The following TASOR2 variants were observed in gnomAD, a reference collection of about 807,000 sequenced individuals.
TASOR2 encodes the protein protein TASOR 2.
A neutral mutation model predicts 199.5 loss-of-function variants in TASOR2; 84 were observed. The observed-to-expected ratio is 0.42, with a 90% CI of 0.35 to 0.50. TASOR2 has a LOEUF of 0.50. Among genes scored for constraint, TASOR2 ranks in the 20% least tolerant of loss-of-function variants. The pLI, the probability that TASOR2 is intolerant of heterozygous loss-of-function variation, is 0.02. For missense variants in TASOR2, 2,796 were observed against 2,835.9 expected (o/e 0.99, Z 0.32); for synonymous variants, 1,103 against 1,046.6 (o/e 1.05, Z -1.04).
chr10:5,716,657 G>A (rs1374479574), intron 2 of TASOR2, among the ~76,000 whole-genome samples: 1 of 152,064 alleles, frequency 6.6e-6, no homozygotes, highest in African/African-American at 2.4e-5. Flanking sequence ...GCTCATGCCT[G>A]TAATCGTAGC....
chr10:5,755,375 C>G (rs892624384), intron 15 of TASOR2, among the ~76,000 whole-genome samples: 1 of 151,986 alleles, frequency 6.6e-6, no homozygotes, highest in African/African-American at 2.4e-5. Flanking sequence ...GAGTTTGAGA[C>G]CAGCCTGGCC....
chr10:5,762,360 A>G lies in TASOR2; in HGVS notation c.7175-172A>G, dbSNP rs545945147. ...TTTAACCACCACCCCCGATGGAGGC[A>G]TCTATTTCCAAAGCTTCAAATCTTT... On this transcript the variant is annotated intron_variant, in intron 19 of 20. Coordinates refer to ENST00000328090, the Ensembl canonical transcript of TASOR2. Among the ~76,000 whole-genome samples the G allele has an allele frequency of 5.3e-5, 8 of 151,870 alleles. No homozygotes were observed. In the South Asian group the frequency reaches 1.7e-3, roughly 32 times the overall value.
Position 5,739,929 on chromosome 10 carries a change from G to T in TASOR2, c.1759G>T (p.Gly587Ter). ...TACATCTGACCATGAATATCATAGA[G>T]GAGTTAAAACTCAAAAAGGTGAATT... is the stretch of plus-strand genomic sequence containing the variant. Residue 587 changes from glycine to a stop codon, truncating the protein, a stop_gained, in exon 13 of 21, where the codon GGA (glycine) becomes TGA (stop). Coordinates refer to ENST00000328090, the Ensembl canonical transcript of TASOR2. LOFTEE classifies it high-confidence loss of function. The T allele has an allele frequency of 6.2e-7, 1 of 1,614,112 alleles. No individual in the cohort carries two copies. The highest frequency in any genetic ancestry group is 8.5e-7 in the Non-Finnish European group (1 of 1,180,038).
Position 5,742,741 on chromosome 10 carries a change from C to A in TASOR2, c.2757+215C>A, listed in dbSNP as rs1193247112. Among the ~76,000 whole-genome samples the A allele has an allele frequency of 6.6e-6, 1 of 151,986 alleles. No homozygotes were observed. The highest frequency in any genetic ancestry group is 2.4e-5 in the African/African-American group (1 of 41,372). Reference sequence around the variant, plus strand: ...ACCTGCCATCCCGATTGAAAAAAACCAGAGTAGAAAAATGTCACAGGGTCC... The same window carrying A: ...ACCTGCCATCCCGATTGAAAAAAACAAGAGTAGAAAAATGTCACAGGGTCC... On this transcript the variant is annotated intron_variant, in intron 14 of 20. Coordinates refer to ENST00000328090, the Ensembl canonical transcript of TASOR2. This position sits in a 1 kb window ranked among gnomAD's most constrained non-coding sequence, Gnocchi z 4.2.
intron 1 of TASOR2, among the ~76,000 whole-genome samples, chr10:5,692,285 G>C (rs1836528038): frequency 6.6e-6 from 1 of 152,176 alleles, no homozygotes; most frequent in African/African-American, 2.4e-5. Context: ...AATGATGTGG[G>C]ACGAAGAGTT....
In TASOR2 at chr10:5,720,668, T is replaced by C; in HGVS notation, c.26T>C (p.Ile9Thr). 2 of 1,614,120 alleles carry C rather than the reference T, an allele frequency of 1.2e-6. No homozygotes were observed. Among genetic ancestry groups the C allele is most frequent in the South Asian group, 1.1e-5 (1 of 91,086 alleles). The change falls in exon 4 of 21, where the codon ATA becomes ACA. Residue 9 changes from isoleucine to threonine, a missense_variant and splice_region_variant. Ile to Thr is a moderately conservative substitution (Grantham distance 89). This residue lies in a region of TASOR2 where 847 missense variants were observed against 887.4 expected (regional missense o/e 0.95). Transcript: ENST00000328090. The surrounding 1 kb of genome is among the most constrained non-coding windows in gnomAD (Gnocchi z 5.3). ...ATGGCACCACCAGCTCATAAAAGCATGTAAGTAATTATGTGCATGCTTTGT... is the reference window on the plus strand; with the variant it reads ...ATGGCACCACCAGCTCATAAAAGCACGTAAGTAATTATGTGCATGCTTTGT...
chr10:5,749,417 C>T (rs1163307053), exon 15 of TASOR2: 3 of 1,614,246 alleles, frequency 1.9e-6, no homozygotes, highest in South Asian at 1.1e-5. Flanking sequence ...CAGCATTCTG[C>T]CTCCTCTGCC....
Position 5,762,516 on chromosome 10 carries a change from T to TTTTG in TASOR2, c.7175-13_7175-12insGTTT. 2 of 603,326 alleles carry TTTTG rather than the reference T, an allele frequency of 3.3e-6. No individual in the cohort carries two copies. Among genetic ancestry groups the TTTTG allele is most frequent in the Non-Finnish European group, 5.1e-6 (2 of 388,712 alleles). 37.4% of individuals were successfully genotyped at this position (603,326 alleles called of 1,614,324 possible). The stretch of plus-strand genomic sequence containing the variant: ...AATTATATTAACCAAAAGTTGTTTT[T>TTTTG]TTTTTTTTTTAACAGACAAGCCTAC... On this transcript the variant is annotated splice_polypyrimidine_tract_variant and intron_variant, in intron 19 of 20. Transcript: ENST00000328090.
intron 14 of TASOR2, among the ~76,000 whole-genome samples, chr10:5,744,641 G>C (rs1320947460): frequency 6.6e-6 from 1 of 152,022 alleles, no homozygotes; most frequent in Non-Finnish European, 1.5e-5. Context: ...TGTTTTGTTT[G>C]AGACAGAGTC....
chr10:5,685,300 G>A lies in TASOR2; in HGVS notation c.-288+125G>A, dbSNP rs1835683159. 2.5e-6 allele frequency: 1 copy of A among 396,500 alleles called. No homozygotes were observed. Among genetic ancestry groups the A allele is most frequent in the Non-Finnish European group, 4.4e-6 (1 of 225,062 alleles). The allele number at this position is 396,500 out of a possible 1,614,324, so 24.6% of individuals were successfully genotyped here. On this transcript the variant is annotated intron_variant, in intron 1 of 20. Transcript: ENST00000328090. This position sits in a 1 kb window ranked among gnomAD's most constrained non-coding sequence, Gnocchi z 5.4. ...GGTCGACGCGTTCTCCTTGCCTTTT[G>A]CCGCGCTCCGGGTGAGGGGGTGGGA...
intron 2 of TASOR2, among the ~76,000 whole-genome samples, chr10:5,715,076 C>T (rs73610587): frequency 1.3e-5 from 2 of 151,998 alleles, no homozygotes; most frequent in Admixed American, 6.6e-5. Flanking sequence ...CAGTCTGTTA[C>T]CTGGAGACTT....
chr10:5,745,770 C>T (rs1016683173), intron 14 of TASOR2, among the ~76,000 whole-genome samples: 4 of 151,722 alleles, frequency 2.6e-5, no homozygotes, highest in South Asian at 2.1e-4. Flanking sequence ...TAAAGCAAGA[C>T]GCTGTCTTGA....
exon 15 of TASOR2, chr10:5,747,676 G>A: frequency 1.2e-6 from 2 of 1,614,152 alleles, no homozygotes; most frequent in Non-Finnish European, 1.7e-6. Context: ...ACCATATCAG[G>A]CTGTGACTCC....
At position 5,760,146 on chromosome 10, in the gene TASOR2, T is replaced by C. The variant is rs144436258; in HGVS notation, c.6993-1144T>C. 6.6e-5 allele frequency among the ~76,000 whole-genome samples: 10 copies of C among 152,330 alleles called. No homozygotes were observed. In the South Asian group the frequency reaches 1.0e-3, roughly 16 times the overall value. ...TGATATGGTAGAGCCTACTCCTAGA[T>C]TGCAAACCTGTACATGTGACTGTAC... On this transcript the variant is annotated intron_variant, in intron 18 of 20. Transcript: ENST00000328090.
Position 5,720,569 on chromosome 10 carries a change from A to G in TASOR2, c.-74A>G, listed in dbSNP as rs968078026. The G allele has an allele frequency of 9.3e-6, 15 of 1,606,998 alleles. No homozygotes were observed. The African/African-American group carries it at 2.0e-4, about 22-fold the overall frequency. On this transcript the variant is annotated 5_prime_UTR_variant, in exon 4 of 21. Coordinates refer to ENST00000328090, the Ensembl canonical transcript of TASOR2. This position sits in a 1 kb window ranked among gnomAD's most constrained non-coding sequence, Gnocchi z 5.3. ...TATTACTTTTACGAACTTTCAGGCA[A>G]CACCGTTATTGAACGACCCAGACAG...
rs1214946304 is a variant in TASOR2, at chr10:5,685,603, C to T, written c.-288+428C>T. Among the ~76,000 whole-genome samples, 1 of 152,184 alleles carries T rather than the reference C, an allele frequency of 6.6e-6. No individual in the cohort carries two copies. Among genetic ancestry groups the T allele is most frequent in the African/African-American group, 2.4e-5 (1 of 41,434 alleles). On this transcript the variant is annotated intron_variant, in intron 1 of 20. Transcript: ENST00000328090. This position sits in a 1 kb window ranked among gnomAD's most constrained non-coding sequence, Gnocchi z 5.4. ...CTCGAGACTTCATGGCAATGCGCCA[C>T]CTTTTCTTTTTAGGGTAAAACAGGT...
intron 1 of TASOR2, among the ~76,000 whole-genome samples, chr10:5,688,457 C>T (rs1011906544): frequency 7.7e-6 from 1 of 130,498 alleles, no homozygotes; most frequent in Middle Eastern, 7.4e-3. Context: ...AAGCTAGTCT[C>T]GAACTGCTGG....
At chr10:5,739,970 T>A (rs1836166565) in exon 13 of TASOR2, 5 of 1,614,168 alleles carry the variant, frequency 3.1e-6, no homozygotes, top group Non-Finnish European at 4.2e-6. Context: ...CTAACCCATC[T>A]TCTGATAGGA....
At chr10:5,697,610 A>G (rs968921475) in intron 1 of TASOR2, among the ~76,000 whole-genome samples, 12 of 152,174 alleles carry the variant, frequency 7.9e-5, no homozygotes, top group Admixed American at 7.2e-4. Flanking sequence ...TTGTGTCTCT[A>G]AGAGGCAAGC....
Sources: allele counts gnomAD v4.1 joint callset (sites outside exome capture counted in the v4.1 genomes callset), GRCh38; gene constraint gnomAD v4.1.1; regional missense constraint gnomAD v4.1.1; non-coding constraint Gnocchi (gnomAD v3.1); transcripts MANE v1.5; gene names NCBI Gene and HGNC (gene_info 2026-07-23, HGNC 2026-07-21).